Variants in FCGR1A observed in about 807,000 individuals in gnomAD.
The protein encoded by FCGR1A is high affinity immunoglobulin gamma Fc receptor I.
Under a neutral mutation model 35.0 loss-of-function variants are expected in FCGR1A, and 13 were observed. The ratio of observed to expected loss-of-function variants is 0.37; its 90% CI spans 0.24 to 0.59. The LOEUF is 0.59. Ranked by LOEUF, FCGR1A falls within the 20% of genes least tolerant of loss-of-function variation. The pLI, the probability that FCGR1A is intolerant of heterozygous loss-of-function variation, is 0.71. For synonymous variants in FCGR1A, 91 were observed against 164.7 expected, an observed-to-expected ratio of 0.55 and a Z score of 3.43; for missense variants, 227 against 430.0, an observed-to-expected ratio of 0.53 and a Z score of 4.17.
chr1:149,796,603 T>C (rs182046682), downstream of FCGR1A, among the ~76,000 whole-genome samples: 648 of 152,336 alleles, frequency 4.3e-3, 4 homozygotes, highest in Non-Finnish European at 6.7e-3. Context: ...TGACCAAAGA[T>C]TGTAAAATTT....
chr1:149,797,102 G>A, the FCGR1A span, among the ~76,000 whole-genome samples: 2 of 152,112 alleles, frequency 1.3e-5, no homozygotes, highest in African/African-American at 2.4e-5. Context: ...TAGTAGAGAC[G>A]AGGTTTCACC....
At chr1:149,793,194 C>T (rs1553752403), downstream of FCGR1A, 2 of 1,277,486 alleles carry the variant, frequency 1.6e-6, no homozygotes, top group Middle Eastern at 3.1e-4. Context: ...GCTGGGCTCC[C>T]AGCAGGCGCC....
rs1226393543 is a variant in FCGR1A at position 149,791,219 on chromosome 1, T to C, written c.845-18T>C. On this transcript the variant is annotated intron_variant, in intron 5 of 5. Coordinates refer to ENST00000369168, the MANE Select transcript of FCGR1A (RefSeq NM_000566.4). ...GTCTCTAAATAGTATCTCTTCTCTT[T>C]GTCTTTTTCTGTTTCAGGCCTCCAG... The C allele has an allele frequency of 8.8e-6, 14 of 1,585,362 alleles. No homozygotes were observed. Among genetic ancestry groups the C allele is most frequent in the African/African-American group, 1.3e-5 (1 of 74,082 alleles).
downstream of FCGR1A, chr1:149,792,722 C>T (rs1553752177): frequency 3.9e-6 from 5 of 1,283,770 alleles, no homozygotes; most frequent in South Asian, 1.2e-5. Flanking sequence ...CGCGCTTCTC[C>T]GCAGCTCCGC....
At chr1:149,788,703 C>G in intron 4 of FCGR1A, 86 bp downstream of exon 4, 1 of 1,510,428 alleles carries the variant, frequency 6.6e-7, no homozygotes, top group Non-Finnish European at 9.1e-7. Flanking sequence ...CTTTAATTTA[C>G]AAGTGAAGAA....
At chr1:149,789,813 C>T (rs2091655669) in intron 4 of FCGR1A, among the ~76,000 whole-genome samples, 1 of 152,080 alleles carries the variant, frequency 6.6e-6, no homozygotes, top group Admixed American at 6.5e-5. Context: ...ATCCCTAGTG[C>T]CAAAAAGGTT....
chr1:149,788,635 T>A lies in FCGR1A; in HGVS notation c.559+18T>A, dbSNP rs1553751226. The stretch of plus-strand genomic sequence containing the variant: ...TGTGAAAGGTATTGTATTGGAATAG[T>A]CATAGAACTGATAGTCCCTCCCCCT... On this transcript the variant is annotated intron_variant, in intron 4 of 5. Transcript: ENST00000369168. 6.2e-7 allele frequency: 1 copy of A among 1,613,862 alleles called. No individual in the cohort carries two copies. Among genetic ancestry groups the A allele is most frequent in the East Asian group, 2.2e-5 (1 of 44,878 alleles).
At chr1:149,784,563 G>A (rs1175383053) in intron 3 of FCGR1A, among the ~76,000 whole-genome samples, 1 of 151,706 alleles carries the variant, frequency 6.6e-6, no homozygotes, top group Non-Finnish European at 1.5e-5. Context: ...TCAAACAAAT[G>A]AGCAATAATG....
At chr1:149,792,839 G>A (rs1267168499), downstream of FCGR1A, 1 of 1,274,540 alleles carries the variant, frequency 7.8e-7, no homozygotes, top group Non-Finnish European at 1.0e-6. Flanking sequence ...GCGGATGGAA[G>A]AGAGCAAGGG....
At chr1:149,785,403 G>GTTAC (rs2091514573) in intron 3 of FCGR1A, among the ~76,000 whole-genome samples, 1 of 86,542 alleles carries the variant, frequency 1.2e-5, no homozygotes, top group Non-Finnish European at 2.3e-5. Context: ...TGACAGAGCT[G>GTTAC]TTTCGTTTTT....
At chr1:149,800,236 TG>T in the FCGR1A span, among the ~76,000 whole-genome samples, 1 of 152,256 alleles carries the variant, frequency 6.6e-6, no homozygotes, top group Admixed American at 6.5e-5. Flanking sequence ...GCACCTCCAC[TG>T]GGTGCGCCGC....
At chr1:149,795,937 A>G (rs2091795590), downstream of FCGR1A, among the ~76,000 whole-genome samples, 1 of 151,110 alleles carries the variant, frequency 6.6e-6, no homozygotes, top group African/African-American at 2.5e-5. Context: ...CCTAAGACAC[A>G]TATACATTAA....
At chr1:149,790,983 G>A (rs1305872520) in intron 5 of FCGR1A, among the ~76,000 whole-genome samples, 2 of 151,248 alleles carry the variant, frequency 1.3e-5, no homozygotes, top group African/African-American at 4.9e-5. Flanking sequence ...AGAGATATCA[G>A]TTGTCTCTGG....
At position 149,791,576 on chromosome 1, in the gene FCGR1A, A is replaced by G; in HGVS notation, c.*59A>G. 6.2e-7 allele frequency: 1 copy of G among 1,602,296 alleles called. No homozygotes were observed. Among genetic ancestry groups the G allele is most frequent in the Non-Finnish European group, 8.5e-7 (1 of 1,176,266 alleles). On this transcript the variant is annotated 3_prime_UTR_variant, in exon 6 of 6. Coordinates refer to ENST00000369168, the MANE Select transcript of FCGR1A (RefSeq NM_000566.4). ...GTCCCCTGCCCACTTGCTCCCCGTGAGCACTGCGTACAAACATCCAAAAGT... is the reference window on the plus strand; with the variant it reads ...GTCCCCTGCCCACTTGCTCCCCGTGGGCACTGCGTACAAACATCCAAAAGT...
At chr1:149,796,876 T>A in the FCGR1A span, among the ~76,000 whole-genome samples, 1 of 152,212 alleles carries the variant, frequency 6.6e-6, no homozygotes, top group South Asian at 2.1e-4. Flanking sequence ...TTGTATAATA[T>A]ATTCTCTCCT....
the FCGR1A span, among the ~76,000 whole-genome samples, chr1:149,798,615 C>CT: frequency 6.8e-6 from 1 of 146,880 alleles, no homozygotes; most frequent in Non-Finnish European, 1.5e-5. Flanking sequence ...TTTAAACCGA[C>CT]TTTAAAAAAA....
downstream of FCGR1A, chr1:149,792,958 G>A (rs1448862770): frequency 6.7e-5 from 85 of 1,275,854 alleles, no homozygotes; most frequent in Middle Eastern, 3.3e-4. Context: ...CAGAATGGAA[G>A]TTCGGTAGTC....
chr1:149,793,235 G>A (rs1553752421), downstream of FCGR1A: 10 of 1,259,596 alleles, frequency 7.9e-6, no homozygotes, highest in Admixed American at 2.5e-5. Flanking sequence ...AAGAGCAGCC[G>A]GAGGCGGCGG....
intron 4 of FCGR1A, among the ~76,000 whole-genome samples, chr1:149,789,315 C>G (rs1353368769): frequency 1.3e-5 from 2 of 152,052 alleles, no homozygotes; most frequent in Admixed American, 1.3e-4. Flanking sequence ...ATAGCATGAA[C>G]CCGGGAAGCG....
Sources: gnomAD v4.1 joint callset for allele counts (sites outside exome capture counted in the v4.1 genomes callset) on GRCh38, gnomAD v4.1.1 for gene constraint, MANE v1.5 for transcripts, NCBI Gene and HGNC (gene_info 2026-07-23, HGNC 2026-07-21) for gene names.